KCNH1: variants seen among roughly 807,000 people sequenced by gnomAD.
The protein encoded by KCNH1 is voltage-gated delayed rectifier potassium channel KCNH1.
KCNH1 carries 27 observed loss-of-function variants against 69.2 expected under a neutral mutation model. The ratio of observed to expected loss-of-function variants is 0.39; its 90% CI spans 0.29 to 0.54. The LOEUF is 0.54. KCNH1 is among the 20% of genes least tolerant of loss of function. The pLI is 0.68. For synonymous variants in KCNH1, 456 were observed against 487.7 expected (o/e 0.93, Z 0.86); for missense variants, 798 against 1,261.6 (o/e 0.63, Z 5.57).
Position 210,678,988 on chromosome 1 carries a change from A to T in KCNH1, c.*4293T>A, listed in dbSNP as rs2148997938. On this transcript the variant is annotated 3_prime_UTR_variant, in exon 11 of 11. Transcript: ENST00000271751. ...AATAAGTCTGATATGCTTGCATGAG[A>T]ATGAAGTTTCACTTGAATTTAAGCT... The T allele has an allele frequency of 6.6e-6, 1 of 152,324 alleles. No homozygotes were observed. The highest frequency in any genetic ancestry group is 1.5e-5 in the Non-Finnish European group (1 of 68,032). 9.4% of individuals were successfully genotyped at this position (152,324 alleles called of 1,614,324 possible).
At chr1:210,878,812 A>G (rs1354444295) in intron 7 of KCNH1, among the ~76,000 whole-genome samples, 1 of 152,028 alleles carries the variant, frequency 6.6e-6, no homozygotes, top group Non-Finnish European at 1.5e-5. Flanking sequence ...AAAATTTAAA[A>G]ATCAATAGAG....
chr1:210,904,668 A>C (rs1163172961), intron 7 of KCNH1, among the ~76,000 whole-genome samples: 1 of 152,148 alleles, frequency 6.6e-6, no homozygotes, highest in East Asian at 1.9e-4. Flanking sequence ...CAACACCCAC[A>C]TCTCTGTCTA....
intron 10 of KCNH1, among the ~76,000 whole-genome samples, chr1:210,733,984 C>T (rs1682808892): frequency 6.8e-6 from 1 of 147,776 alleles, no homozygotes; most frequent in Non-Finnish European, 1.5e-5. Flanking sequence ...CACACACACA[C>T]ACACAGCCCT....
chr1:210,958,807 C>T (rs1055534381), intron 6 of KCNH1, among the ~76,000 whole-genome samples: 2 of 152,166 alleles, frequency 1.3e-5, no homozygotes, highest in East Asian at 3.9e-4. Context: ...GGTAGCCATT[C>T]GTCTAACCTT....
At chr1:210,922,739 C>T (rs1558527292) in intron 6 of KCNH1, among the ~76,000 whole-genome samples, 1 of 152,178 alleles carries the variant, frequency 6.6e-6, no homozygotes, top group African/African-American at 2.4e-5. Flanking sequence ...TAGGCATTTA[C>T]ATTCTAACAG....
At chr1:210,765,400 T>C (rs1004301346) in intron 10 of KCNH1, among the ~76,000 whole-genome samples, 3 of 152,180 alleles carry the variant, frequency 2.0e-5, no homozygotes, top group African/African-American at 7.2e-5. Context: ...ATCTAAAATT[T>C]AATAAAACAA....
intron 5 of KCNH1, among the ~76,000 whole-genome samples, chr1:211,073,075 G>A (rs76878545): frequency 7.7e-4 from 118 of 152,302 alleles, no homozygotes; most frequent in Non-Finnish European, 1.3e-3. Flanking sequence ...AGCAGGAGTA[G>A]CTGTATTAAT....
At chr1:210,790,641 G>A (rs1013104060) in intron 9 of KCNH1, among the ~76,000 whole-genome samples, 13 of 152,282 alleles carry the variant, frequency 8.5e-5, no homozygotes, top group African/African-American at 2.4e-4. Flanking sequence ...TATTGTTTAC[G>A]TGACATTCAA....
At chr1:210,786,618 C>G (rs1385812417) in intron 9 of KCNH1, among the ~76,000 whole-genome samples, 2 of 152,148 alleles carry the variant, frequency 1.3e-5, no homozygotes, top group African/African-American at 2.4e-5. Context: ...CAATTGCCAC[C>G]TAGACCATGA....
At chr1:210,948,227 A>C (rs1687995555) in intron 6 of KCNH1, among the ~76,000 whole-genome samples, 1 of 151,798 alleles carries the variant, frequency 6.6e-6, no homozygotes, top group African/African-American at 2.4e-5. Flanking sequence ...AAGATAATGG[A>C]TACAAAGCAT....
At chr1:211,060,330 G>A (rs1320784137) in intron 5 of KCNH1, among the ~76,000 whole-genome samples, 1 of 147,974 alleles carries the variant, frequency 6.8e-6, no homozygotes, top group African/African-American at 2.5e-5. Context: ...GAACCCGGGA[G>A]GCGGAGCTTG....
intron 5 of KCNH1, among the ~76,000 whole-genome samples, chr1:211,076,875 G>A (rs891483660): frequency 1.4e-4 from 22 of 152,324 alleles, no homozygotes; most frequent in Admixed American, 7.8e-4. Context: ...AAGATTAGAT[G>A]AATGGCTACC....
intron 9 of KCNH1, among the ~76,000 whole-genome samples, chr1:210,781,357 C>T (rs1683979759): frequency 6.6e-6 from 1 of 152,096 alleles, no homozygotes; most frequent in South Asian, 2.1e-4. Context: ...GGGTTGCCCT[C>T]CTCCCCCTAT....
At chr1:210,868,671 C>T (rs1055559615) in intron 7 of KCNH1, among the ~76,000 whole-genome samples, 5 of 152,012 alleles carry the variant, frequency 3.3e-5, no homozygotes, top group African/African-American at 1.2e-4. Context: ...CATTTAATCA[C>T]AAGATTCTTC....
chr1:210,704,303 T>C (rs1037790411), intron 10 of KCNH1, among the ~76,000 whole-genome samples: 1 of 152,166 alleles, frequency 6.6e-6, no homozygotes, highest in African/African-American at 2.4e-5. Flanking sequence ...CAACCTCATT[T>C]CTAATAACAA....
At chr1:210,965,913 T>C (rs1256157069) in intron 6 of KCNH1, among the ~76,000 whole-genome samples, 1 of 149,890 alleles carries the variant, frequency 6.7e-6, no homozygotes, top group African/African-American at 2.5e-5. Flanking sequence ...CAAAAAAGAG[T>C]CCACATAACC....
intron 10 of KCNH1, among the ~76,000 whole-genome samples, chr1:210,686,421 T>G (rs1431141847): frequency 1.3e-5 from 2 of 152,234 alleles, no homozygotes; most frequent in Non-Finnish European, 2.9e-5. Context: ...CCAACTCCAA[T>G]GGCCCTTTCT....
intron 6 of KCNH1, among the ~76,000 whole-genome samples, chr1:210,931,821 A>C (rs1162869805): frequency 6.7e-6 from 1 of 148,958 alleles, no homozygotes; most frequent in African/African-American, 2.5e-5. Context: ...GAAATCTTGG[A>C]GGTGAAGTCA....
chr1:210,935,587 T>A (rs1687762504), intron 6 of KCNH1, among the ~76,000 whole-genome samples: 1 of 152,220 alleles, frequency 6.6e-6, no homozygotes, highest in Admixed American at 6.5e-5. Flanking sequence ...TTATATTACA[T>A]GTATTGAAAA....
Sources: gnomAD v4.1 joint callset for allele counts (sites outside exome capture counted in the v4.1 genomes callset) on GRCh38, gnomAD v4.1.1 for gene constraint, MANE v1.5 for transcripts, NCBI Gene and HGNC (gene_info 2026-07-23, HGNC 2026-07-21) for gene names.